The following HRH1 variants were observed in gnomAD, a reference collection of about 807,000 sequenced individuals.
The protein encoded by HRH1 is histamine H1 receptor.
In HRH1, 6 loss-of-function variants were observed where a neutral mutation model predicts 10.3. The ratio of observed to expected loss-of-function variants is 0.58; its 90% CI spans 0.32 to 1.15. The LOEUF is 1.15. HRH1 is among the 50% of genes most tolerant of loss of function. The pLI is 0.05. For missense variants in HRH1, 514 were observed against 615.3 expected (o/e 0.84, Z 1.74); for synonymous variants, 242 against 236.7 (o/e 1.02, Z -0.21).
chr3:11,152,427 G>C (rs892933077), upstream of HRH1, among the ~76,000 whole-genome samples: 2 of 152,154 alleles, frequency 1.3e-5, no homozygotes, highest in African/African-American at 2.4e-5. Flanking sequence ...TGTCTAACAT[G>C]TTGTTTCTAA....
At chr3:11,193,396 G>A (rs1159338317) in intron 1 of HRH1, among the ~76,000 whole-genome samples, 1 of 152,226 alleles carries the variant, frequency 6.6e-6, no homozygotes, top group Non-Finnish European at 1.5e-5. Flanking sequence ...GGGTGTCTCA[G>A]TCCATTCAGG....
At chr3:11,214,767 C>T (rs945063092) in intron 1 of HRH1, among the ~76,000 whole-genome samples, 16 of 152,168 alleles carry the variant, frequency 1.1e-4, no homozygotes, top group African/African-American at 3.6e-4. Flanking sequence ...GTTGGGGAGG[C>T]AGCATAGGTT....
chr3:11,259,690 G>A lies in HRH1; in HGVS notation c.653G>A (p.Arg218Gln), dbSNP rs779343203. 30 of 1,613,928 alleles carry A rather than the reference G, an allele frequency of 1.9e-5. No individual in the cohort carries two copies. The highest frequency in any genetic ancestry group is 2.4e-5 in the Non-Finnish European group (28 of 1,180,026). ...WFYAKIYKAV[R>Q]QHCQHRELIN... The stretch of plus-strand genomic sequence containing the variant: ...TATGCCAAGATCTACAAGGCCGTAC[G>A]ACAACACTGCCAGCACCGGGAGCTC... The change falls in exon 2 of 2, where the codon CGA becomes CAA. Residue 218 changes from arginine to glutamine, a missense_variant. Coordinates refer to ENST00000431010, the MANE Select transcript of HRH1 (RefSeq NM_001098212.2). This position sits in a 1 kb window ranked among gnomAD's most constrained non-coding sequence, Gnocchi z 4.6.
At chr3:11,176,689 G>T (rs1357078129) in intron 1 of HRH1, among the ~76,000 whole-genome samples, 1 of 152,192 alleles carries the variant, frequency 6.6e-6, no homozygotes, top group African/African-American at 2.4e-5. Flanking sequence ...AATGATTACT[G>T]CACATCTCCT....
At chr3:11,166,291 A>C (rs948641741) in intron 1 of HRH1, among the ~76,000 whole-genome samples, 3 of 152,160 alleles carry the variant, frequency 2.0e-5, no homozygotes, top group Non-Finnish European at 4.4e-5. Flanking sequence ...AGCGTTGAAA[A>C]AGAAAGACAA....
intron 1 of HRH1, among the ~76,000 whole-genome samples, chr3:11,193,398 C>T (rs920077218): frequency 1.3e-5 from 2 of 152,238 alleles, no homozygotes; most frequent in Non-Finnish European, 2.9e-5. Context: ...GTGTCTCAGT[C>T]CATTCAGGCT....
intron 1 of HRH1, among the ~76,000 whole-genome samples, chr3:11,146,993 C>T (rs1312509671): frequency 6.6e-6 from 1 of 152,100 alleles, no homozygotes; most frequent in East Asian, 1.9e-4. Flanking sequence ...AATGATAAAC[C>T]CCAAAGAAGT....
At chr3:11,200,398 T>A (rs1348377474) in intron 1 of HRH1, among the ~76,000 whole-genome samples, 2 of 152,188 alleles carry the variant, frequency 1.3e-5, no homozygotes. Flanking sequence ...GACCATATGG[T>A]CTGTGACTGT....
At chr3:11,201,870 G>T (rs1193125338) in intron 1 of HRH1, among the ~76,000 whole-genome samples, 1 of 152,208 alleles carries the variant, frequency 6.6e-6, no homozygotes, top group African/African-American at 2.4e-5. Context: ...AGAAGTTAAA[G>T]GAAATCATTT....
intron 1 of HRH1, among the ~76,000 whole-genome samples, chr3:11,191,381 G>A (rs1937526826): frequency 6.6e-6 from 1 of 152,152 alleles, no homozygotes; most frequent in Non-Finnish European, 1.5e-5. Flanking sequence ...GAAATGTCTG[G>A]TGGAAAAGGA....
At chr3:11,231,526 C>T (rs894170564) in intron 1 of HRH1, among the ~76,000 whole-genome samples, 1 of 152,186 alleles carries the variant, frequency 6.6e-6, no homozygotes, top group African/African-American at 2.4e-5. Flanking sequence ...TTATTTTAGC[C>T]ATTCTGATGG....
intron 1 of HRH1, among the ~76,000 whole-genome samples, chr3:11,228,019 G>A (rs1938940717): frequency 6.6e-6 from 1 of 152,164 alleles, no homozygotes; most frequent in African/African-American, 2.4e-5. Context: ...CCACATTATT[G>A]TTTAATTAAT....
intron 1 of HRH1, among the ~76,000 whole-genome samples, chr3:11,205,914 C>T (rs896770732): frequency 7.2e-5 from 11 of 152,136 alleles, no homozygotes; most frequent in African/African-American, 2.7e-4. Context: ...CCCGCCGCGG[C>T]CTCCCAAAGT....
chr3:11,207,428 G>A (rs1938173733), intron 1 of HRH1, among the ~76,000 whole-genome samples: 1 of 152,018 alleles, frequency 6.6e-6, no homozygotes, highest in African/African-American at 2.4e-5. Context: ...AAATTAGCCG[G>A]GTGTGGTGGC....
chr3:11,245,846 T>A (rs1310653563), intron 1 of HRH1, among the ~76,000 whole-genome samples: 1 of 152,080 alleles, frequency 6.6e-6, no homozygotes, highest in Non-Finnish European at 1.5e-5. Context: ...CTAGTCTCCC[T>A]ACTTTAAAGG....
chr3:11,152,856 G>A (rs1235879084), upstream of HRH1, among the ~76,000 whole-genome samples: 1 of 151,898 alleles, frequency 6.6e-6, no homozygotes, highest in African/African-American at 2.4e-5. Context: ...TTGTGCTAAT[G>A]TGCAGAGGGC....
upstream of HRH1, among the ~76,000 whole-genome samples, chr3:11,151,785 G>A (rs566018024): frequency 4.3e-4 from 65 of 152,218 alleles, no homozygotes; most frequent in South Asian, 0.013. Flanking sequence ...GATTACAGGG[G>A]CGAGCCACCA....
chr3:11,180,651 C>T (rs1937334449), intron 1 of HRH1, among the ~76,000 whole-genome samples: 1 of 152,102 alleles, frequency 6.6e-6, no homozygotes, highest in African/African-American at 2.4e-5. Context: ...ATTCTACTTT[C>T]TGCCTCAATG....
At chr3:11,205,876 G>A (rs975180194) in intron 1 of HRH1, among the ~76,000 whole-genome samples, 13 of 152,104 alleles carry the variant, frequency 8.5e-5, no homozygotes, top group Non-Finnish European at 8.8e-5. Flanking sequence ...TGGCCAAGCT[G>A]GTCTTGAACT....
Sources: gnomAD v4.1 joint callset for allele counts (sites outside exome capture counted in the v4.1 genomes callset) on GRCh38, gnomAD v4.1.1 for gene constraint, Gnocchi (gnomAD v3.1) non-coding constraint, MANE v1.5 for transcripts, NCBI Gene and HGNC (gene_info 2026-07-23, HGNC 2026-07-21) for gene names.